Variants in ZNF362 observed in about 807,000 individuals in gnomAD.
ZNF362 encodes the protein rotund homolog.
In ZNF362, 11 loss-of-function variants were observed where a neutral mutation model predicts 42.9. That is an observed-to-expected ratio of 0.26 (90% CI 0.16 to 0.42). ZNF362 has a LOEUF of 0.42. Ranked by LOEUF, ZNF362 falls within the 20% of genes least tolerant of loss-of-function variation. ZNF362 has a pLI of 1.00. For missense variants in ZNF362, 362 were observed against 576.2 expected, an observed-to-expected ratio of 0.63 and a Z score of 3.81; for synonymous variants, 255 against 257.3, an observed-to-expected ratio of 0.99 and a Z score of 0.09.
the ZNF362 span, among the ~76,000 whole-genome samples, chr1:33,160,129 A>G: frequency 6.6e-6 from 1 of 152,188 alleles, no homozygotes; most frequent in Admixed American, 6.5e-5. Context: ...TATGTGGTCC[A>G]TTAAATAGCT....
the ZNF362 span, among the ~76,000 whole-genome samples, chr1:33,174,583 G>GGA: frequency 1.3e-5 from 2 of 152,066 alleles, no homozygotes; most frequent in African/African-American, 2.4e-5. Context: ...GTAGGCTGGG[G>GGA]GAGAGAGAGA....
At chr1:33,222,611 T>C in the ZNF362 span, among the ~76,000 whole-genome samples, 1 of 152,256 alleles carries the variant, frequency 6.6e-6, no homozygotes, top group African/African-American at 2.4e-5. Flanking sequence ...AGCTGTTATC[T>C]ACCTTGTAGT....
the ZNF362 span, among the ~76,000 whole-genome samples, chr1:33,249,900 C>T: frequency 6.6e-6 from 1 of 152,186 alleles, no homozygotes; most frequent in African/African-American, 2.4e-5. Context: ...TTTGCAGAGA[C>T]AGGAAGAAAC....
the ZNF362 span, among the ~76,000 whole-genome samples, chr1:33,130,393 C>T: frequency 6.6e-6 from 1 of 152,228 alleles, no homozygotes; most frequent in African/African-American, 2.4e-5. Flanking sequence ...CTGTTTTGGG[C>T]ACCTTCTCTT....
chr1:33,154,626 C>T, the ZNF362 span, among the ~76,000 whole-genome samples: 4 of 151,146 alleles, frequency 2.6e-5, no homozygotes, highest in African/African-American at 4.9e-5. Context: ...GGTGAAACAC[C>T]GTCTCTACTA....
At chr1:33,174,454 A>G in the ZNF362 span, among the ~76,000 whole-genome samples, 6 of 152,118 alleles carry the variant, frequency 3.9e-5, no homozygotes, top group African/African-American at 1.4e-4. Context: ...AAAGTACTGG[A>G]GTTACAGGTG....
At chr1:33,256,849 CG>C (rs1645795643) in intron 1 of ZNF362, among the ~76,000 whole-genome samples, 195 bp downstream of exon 1, 1 of 148,342 alleles carries the variant, frequency 6.7e-6, no homozygotes. Context: ...GCGGCGGCAG[CG>C]GGGCGCGCGG....
the ZNF362 span, among the ~76,000 whole-genome samples, chr1:33,168,593 C>T: frequency 3.9e-5 from 6 of 152,194 alleles, no homozygotes; most frequent in African/African-American, 1.2e-4. Flanking sequence ...GAGAGAGAAA[C>T]GCACCCCATC....
At chr1:33,204,110 T>C in the ZNF362 span, among the ~76,000 whole-genome samples, 2 of 152,174 alleles carry the variant, frequency 1.3e-5, no homozygotes, top group Non-Finnish European at 2.9e-5. Context: ...TTTTGGTTCT[T>C]ATATTTAGGT....
the ZNF362 span, among the ~76,000 whole-genome samples, chr1:33,238,162 CA>C: frequency 1.5e-4 from 22 of 151,180 alleles, no homozygotes; most frequent in African/African-American, 3.9e-4. Context: ...ACTGAAAATA[CA>C]AAAAAATTAG....
chr1:33,274,521 G>T (rs576724206), intron 2 of ZNF362, among the ~76,000 whole-genome samples: 1 of 152,334 alleles, frequency 6.6e-6, no homozygotes, highest in African/African-American at 2.4e-5. Context: ...TAAGGGATTG[G>T]TGGGCAGAGG....
intron 2 of ZNF362, among the ~76,000 whole-genome samples, chr1:33,271,252 C>G (rs748446188): frequency 6.6e-6 from 1 of 152,216 alleles, no homozygotes; most frequent in Non-Finnish European, 1.5e-5. Flanking sequence ...CAGGCAACAC[C>G]GAACGCTCGT....
intron 2 of ZNF362, among the ~76,000 whole-genome samples, chr1:33,271,719 T>G (rs1371326470): frequency 6.6e-6 from 1 of 150,650 alleles, no homozygotes; most frequent in East Asian, 1.9e-4. Context: ...GATCACTTTG[T>G]GTCTGCAGGA....
the ZNF362 span, among the ~76,000 whole-genome samples, chr1:33,154,111 GTGTAGATGAGGGAGAATACAAAACA>G: frequency 2.6e-5 from 4 of 152,248 alleles, no homozygotes; most frequent in African/African-American, 4.8e-5. Context: ...ATGTGCAAAC[GTGTAGATGAGGGAGAATACAAAACA>G]TGTAGATGAG....
At chr1:33,275,980 G>A (rs1288486807) in intron 2 of ZNF362, 120 bp from the exon 3 acceptor site, 13 of 1,087,422 alleles carry the variant, frequency 1.2e-5, no homozygotes, top group Admixed American at 9.5e-5. Context: ...GAGGCTGGGG[G>A]ACCCACGGGG....
the ZNF362 span, among the ~76,000 whole-genome samples, chr1:33,136,488 C>T: frequency 2.0e-5 from 3 of 151,806 alleles, no homozygotes; most frequent in African/African-American, 7.3e-5. Flanking sequence ...CATGCCTCAG[C>T]CTACCGAGTA....
chr1:33,192,914 AAT>A, the ZNF362 span, among the ~76,000 whole-genome samples: 1 of 151,938 alleles, frequency 6.6e-6, no homozygotes, highest in Admixed American at 6.6e-5. Flanking sequence ...AAAGTTAAAA[AAT>A]AGATAGTATG....
chr1:33,226,606 T>C, the ZNF362 span, among the ~76,000 whole-genome samples: 2 of 152,226 alleles, frequency 1.3e-5, no homozygotes, highest in African/African-American at 4.8e-5. Flanking sequence ...GGCTCACGCC[T>C]GTAATCCCAG....
the ZNF362 span, among the ~76,000 whole-genome samples, chr1:33,178,166 C>T: frequency 6.6e-6 from 1 of 152,212 alleles, no homozygotes; most frequent in African/African-American, 2.4e-5. Context: ...TCTCCCTCTC[C>T]TGTTTCCCCA....
Sources: allele counts gnomAD v4.1 joint callset (sites outside exome capture counted in the v4.1 genomes callset), GRCh38; gene constraint gnomAD v4.1.1; transcripts MANE v1.5; gene names NCBI Gene and HGNC (gene_info 2026-07-23, HGNC 2026-07-21).